Variants in TNS3 observed in about 807,000 individuals in gnomAD.
TNS3 encodes the protein tensin-3.
A neutral mutation model predicts 140.9 loss-of-function variants in TNS3; 45 were observed. That is an observed-to-expected ratio of 0.32 (90% CI 0.25 to 0.41). TNS3 has a LOEUF of 0.41. Ranked by LOEUF, TNS3 falls within the 10% of genes least tolerant of loss-of-function variation. The pLI, the probability that TNS3 is intolerant of heterozygous loss-of-function variation, is 1.00. For missense variants in TNS3, 1,716 were observed against 1,906.7 expected, an observed-to-expected ratio of 0.90 and a Z score of 1.86; for synonymous variants, 815 against 788.4, an observed-to-expected ratio of 1.03 and a Z score of -0.56.
intron 10 of TNS3, among the ~76,000 whole-genome samples, chr7:47,423,167 T>A (rs886643008): frequency 2.0e-5 from 3 of 152,208 alleles, no homozygotes; most frequent in African/African-American, 4.8e-5. Flanking sequence ...ATACAAGGCA[T>A]CAAAACTTGC....
Position 47,343,993 on chromosome 7 carries a change from C to A in TNS3, c.2650+762G>T, listed in dbSNP as rs941370565. 2.0e-5 allele frequency among the ~76,000 whole-genome samples: 3 copies of A among 152,220 alleles called. 1 individual carries two copies. Among genetic ancestry groups the A allele is most frequent in the Admixed American group, 2.0e-4 (3 of 15,290 alleles). On this transcript the variant is annotated intron_variant, in intron 20 of 30. Coordinates refer to ENST00000311160, the MANE Select transcript of TNS3 (RefSeq NM_022748.12). ...TGAAAATACAAGTTAATGAAAGTCT[C>A]AGTCTCAGGTAACGTGCCTAATAAC...
chr7:47,580,930 T>G (rs1562868094), intron 1 of TNS3, among the ~76,000 whole-genome samples: 1 of 151,892 alleles, frequency 6.6e-6, no homozygotes, highest in African/African-American at 2.4e-5. Context: ...GTGAAAAAAA[T>G]GGGGGGAAAG....
intron 2 of TNS3, among the ~76,000 whole-genome samples, chr7:47,525,438 C>T (rs1289380168): frequency 6.6e-6 from 1 of 152,234 alleles, no homozygotes; most frequent in Non-Finnish European, 1.5e-5. Flanking sequence ...CCAGGTGACA[C>T]ACAGCAAGAT....
chr7:47,579,782 A>G (rs1784485697), intron 1 of TNS3: 1 of 950,796 alleles, frequency 1.1e-6, no homozygotes, highest in South Asian at 4.9e-5. Flanking sequence ...CCTTGTGTAG[A>G]GTCCTAAGCA....
intron 23 of TNS3, 47 bp downstream of exon 23, chr7:47,302,139 G>A (rs747768371): frequency 3.7e-5 from 56 of 1,505,992 alleles, no homozygotes; most frequent in Non-Finnish European, 5.1e-5. Flanking sequence ...GCAGCGAAGC[G>A]GGCACTAGGG....
chr7:47,496,140 G>T (rs1399136087), intron 3 of TNS3, among the ~76,000 whole-genome samples: 2 of 152,202 alleles, frequency 1.3e-5, no homozygotes, highest in African/African-American at 4.8e-5. Flanking sequence ...AGGATAATGG[G>T]AGGAAGCATA....
intron 1 of TNS3, chr7:47,581,521 G>C (rs933696329): frequency 2.0e-5 from 3 of 152,202 alleles, no homozygotes; most frequent in Non-Finnish European, 4.4e-5. Flanking sequence ...GTCTCGAGAC[G>C]GAGTCCTAGG....
At chr7:47,543,479 T>C (rs1799845778) in intron 1 of TNS3, among the ~76,000 whole-genome samples, 1 of 152,216 alleles carries the variant, frequency 6.6e-6, no homozygotes, top group African/African-American at 2.4e-5. Flanking sequence ...GCCCAGGCTC[T>C]TAGTGACCCA....
At chr7:47,292,536 CTTCT>C (rs1785767795) in intron 26 of TNS3, among the ~76,000 whole-genome samples, 1 of 152,194 alleles carries the variant, frequency 6.6e-6, no homozygotes, top group Non-Finnish European at 1.5e-5. Flanking sequence ...ACCCTGAAGC[CTTCT>C]TTGTCTGAGG....
At chr7:47,337,735 T>C (rs1788712503) in intron 20 of TNS3, among the ~76,000 whole-genome samples, 1 of 152,228 alleles carries the variant, frequency 6.6e-6, no homozygotes, top group Non-Finnish European at 1.5e-5. Context: ...TCACATTGCA[T>C]GTGGATGCCA....
intron 13 of TNS3, among the ~76,000 whole-genome samples, chr7:47,404,035 G>A (rs1267498752): frequency 2.6e-5 from 4 of 152,216 alleles, no homozygotes; most frequent in African/African-American, 9.6e-5. Flanking sequence ...GGTCTCCCCA[G>A]AGTGTTTCTA....
chr7:47,549,089 A>G (rs1799995501), intron 1 of TNS3, among the ~76,000 whole-genome samples: 2 of 152,220 alleles, frequency 1.3e-5, no homozygotes, highest in Admixed American at 6.5e-5. Context: ...ATCTCTGTGC[A>G]TCCACAGGCC....
At chr7:47,507,424 C>G (rs561020266) in intron 2 of TNS3, among the ~76,000 whole-genome samples, 1 of 152,240 alleles carries the variant, frequency 6.6e-6, no homozygotes, top group South Asian at 2.1e-4. Flanking sequence ...CATGAAAGAC[C>G]GGATGGGAGC....
intron 4 of TNS3, among the ~76,000 whole-genome samples, chr7:47,448,287 T>C (rs983705769): frequency 6.6e-6 from 1 of 152,146 alleles, no homozygotes; most frequent in Non-Finnish European, 1.5e-5. Context: ...CCCCATTCCC[T>C]CTGCAACAAA....
At chr7:47,317,947 G>A (rs1031228962) in intron 20 of TNS3, among the ~76,000 whole-genome samples, 4 of 152,194 alleles carry the variant, frequency 2.6e-5, no homozygotes, top group Non-Finnish European at 4.4e-5. Context: ...ATTGTGATAA[G>A]ACATACATAA....
At chr7:47,283,956 G>C in intron 27 of TNS3, 91 bp from the exon 28 acceptor site, 1 of 1,289,168 alleles carries the variant, frequency 7.8e-7, no homozygotes, top group Middle Eastern at 2.0e-4. Context: ...TGTGCAGACT[G>C]GGTTTATGAA....
At chr7:47,376,747 A>ACACACACACACACACACACG (rs1791410738) in intron 16 of TNS3, among the ~76,000 whole-genome samples, 1 of 152,014 alleles carries the variant, frequency 6.6e-6, no homozygotes, top group South Asian at 2.1e-4. Context: ...ACACACACAC[A>ACACACACACACACACACACG]CACACACAAA....
intron 1 of TNS3, among the ~76,000 whole-genome samples, chr7:47,546,057 C>G (rs1018425354): frequency 1.2e-3 from 177 of 152,328 alleles, no homozygotes; most frequent in Non-Finnish European, 3.8e-4. Context: ...GTGCCCTGCT[C>G]TCCTGTAGCC....
intron 7 of TNS3, among the ~76,000 whole-genome samples, 172 bp from the exon 8 acceptor site, chr7:47,435,576 A>G (rs532586233): frequency 9.1e-4 from 138 of 152,342 alleles, no homozygotes; most frequent in African/African-American, 3.0e-3. Flanking sequence ...CACTGGGAAG[A>G]AAAAATAAAG....
Sources: gnomAD v4.1 joint callset for allele counts (sites outside exome capture counted in the v4.1 genomes callset) on GRCh38, gnomAD v4.1.1 for gene constraint, MANE v1.5 for transcripts, NCBI Gene and HGNC (gene_info 2026-07-23, HGNC 2026-07-21) for gene names.